The following IFT80 variants were observed in gnomAD, a reference collection of about 807,000 sequenced individuals.
IFT80 encodes the protein intraflagellar transport 80.
A neutral mutation model predicts 107.9 loss-of-function variants in IFT80; 79 were observed. The observed-to-expected ratio is 0.73, with a 90% confidence interval of 0.61 to 0.88. The LOEUF (loss-of-function observed/expected upper bound fraction) is 0.88. Among genes scored for constraint, IFT80 ranks in the 40% least tolerant of loss-of-function variants. IFT80 has a pLI of 0.00. For synonymous variants in IFT80, 299 were observed against 300.9 expected (o/e 0.99, Z 0.07); for missense variants, 797 against 914.2 (o/e 0.87, Z 1.65).
intron 5 of IFT80, among the ~76,000 whole-genome samples, chr3:160,368,359 CA>C (rs56031662): frequency 0.53 from 48,205 of 90,736 alleles, 8,375 homozygotes; most frequent in Middle Eastern, 0.6. Flanking sequence ...AGACCCAGTC[CA>C]AAAAAAAAAA....
Position 160,377,356 on chromosome 3 carries a change from T to C in IFT80, c.370+74A>G, listed in dbSNP as rs76416034. 9.6e-3 allele frequency: 8,432 copies of C among 876,154 alleles called. 485 individuals carry two copies. In the African/African-American group the frequency reaches 0.12, roughly 13 times the overall value. The allele number at this position is 876,154 out of a possible 1,614,324, so 54.3% of individuals were successfully genotyped here. On this transcript the variant is annotated intron_variant, in intron 4 of 19. Transcript: ENST00000326448. ...CACAATGAAAGACACTATTGCTAAA[T>C]GAAAATATTCTGTTTCTTTGGAAAT...
intron 8 of IFT80, among the ~76,000 whole-genome samples, chr3:160,324,323 C>T (rs1222276342): frequency 6.6e-6 from 1 of 151,970 alleles, no homozygotes; most frequent in Non-Finnish European, 1.5e-5. Context: ...GGAGACACAA[C>T]CAAAAAAGAG....
intron 8 of IFT80, among the ~76,000 whole-genome samples, chr3:160,325,218 T>C (rs1414520862): frequency 3.3e-5 from 5 of 152,100 alleles, no homozygotes; most frequent in South Asian, 2.1e-4. Context: ...AGGTAATTTA[T>C]AGATTCAATG....
chr3:160,330,877 C>T (rs1453906027), intron 8 of IFT80, among the ~76,000 whole-genome samples: 1 of 152,184 alleles, frequency 6.6e-6, no homozygotes, highest in Non-Finnish European at 1.5e-5. Flanking sequence ...ATAAATATTT[C>T]AGTATACAGT....
intron 1 of IFT80, among the ~76,000 whole-genome samples, chr3:160,389,047 G>T (rs937223773): frequency 1.3e-5 from 2 of 152,202 alleles, no homozygotes; most frequent in Admixed American, 6.5e-5. Context: ...AATAGAGTTG[G>T]GTATTTAAAG....
intron 9 of IFT80, among the ~76,000 whole-genome samples, chr3:160,309,502 G>A (rs1461265662): frequency 1.3e-5 from 2 of 152,058 alleles, no homozygotes; most frequent in African/African-American, 4.8e-5. Context: ...CCTGGCTAAT[G>A]CGGTGAAACC....
At chr3:160,348,902 G>T (rs553783304) in intron 8 of IFT80, among the ~76,000 whole-genome samples, 1 of 152,254 alleles carries the variant, frequency 6.6e-6, no homozygotes, top group South Asian at 2.1e-4. Context: ...GTAGATTAGT[G>T]GTTGCCAGGG....
rs779346838 is a variant in IFT80 at position 160,377,444 on chromosome 3, G to A, written c.356C>T (p.Thr119Ile). ...AGACAACTTACCTGTAACTAATGCTGTTCCTTCATAATTCCATCTTCCTGC... is the reference window on the plus strand; with the variant it reads ...AGACAACTTACCTGTAACTAATGCTATTCCTTCATAATTCCATCTTCCTGC... The part of the protein sequence containing the change: ...VLAGRWNYEG[T>I]ALVTVGEDGQ... Residue 119 changes from threonine (T) to isoleucine (I), a missense_variant, in exon 4 of 20, where the codon ACA becomes ATA. Thr to Ile is a moderately conservative substitution (Grantham distance 89, BLOSUM62 -1). Transcript: ENST00000326448. 1 of 1,588,212 alleles carries A rather than the reference G, an allele frequency of 6.3e-7. No individual in the cohort carries two copies. Among genetic ancestry groups the A allele is most frequent in the Non-Finnish European group, 8.6e-7 (1 of 1,156,958 alleles).
intron 6 of IFT80, among the ~76,000 whole-genome samples, chr3:160,365,036 C>T (rs1214214338): frequency 6.6e-6 from 1 of 150,872 alleles, no homozygotes; most frequent in Non-Finnish European, 1.5e-5. Context: ...ATTCACATAA[C>T]TATAAACTAA....
At chr3:160,384,155 GAA>G (rs764447615) in intron 2 of IFT80, 159 of 183,368 alleles carry the variant, frequency 8.7e-4, no homozygotes, top group Non-Finnish European at 1.3e-3. Context: ...TGAGGCAGGA[GAA>G]TCACTTGAAC....
intron 1 of IFT80, among the ~76,000 whole-genome samples, chr3:160,394,472 T>A (rs573980555): frequency 6.6e-6 from 1 of 152,336 alleles, no homozygotes; most frequent in South Asian, 2.1e-4. Context: ...TCCCACCCCA[T>A]CTCAATTCCT....
rs139644245 is a variant in IFT80 at position 160,393,889 on chromosome 3, C to T, written c.-47+5257G>A. 3.0e-3 allele frequency among the ~76,000 whole-genome samples: 456 copies of T among 152,126 alleles called. 1 individual carries two copies. Among genetic ancestry groups the T allele is most frequent in the South Asian group, 0.011 (52 of 4,808 alleles). ...AGCTAGATCACAAGCATATTTATAC[C>T]GAGTTTTCTTTGGGTCACTTGCATA... On this transcript the variant is annotated intron_variant, in intron 1 of 19. Transcript: ENST00000326448.
At chr3:160,383,971 G>A (rs1712721678) in intron 2 of IFT80, 9 of 984,902 alleles carry the variant, frequency 9.1e-6, no homozygotes, top group South Asian at 4.7e-5. Flanking sequence ...TTGGCCAGGC[G>A]CGGTGGCTCA....
intron 16 of IFT80, among the ~76,000 whole-genome samples, chr3:160,278,564 G>T (rs1306692087): frequency 6.6e-6 from 1 of 151,748 alleles, no homozygotes; most frequent in East Asian, 1.9e-4. Context: ...TGCCTATTAC[G>T]CTTTCCACTC....
intron 8 of IFT80, among the ~76,000 whole-genome samples, chr3:160,328,461 CAAAAAAAAAAAA>C (rs1236379581): frequency 1.3e-3 from 60 of 47,904 alleles, no homozygotes; most frequent in African/African-American, 4.6e-3. Context: ...GACTCCATCT[CAAAAAAAAAAAA>C]AAAAAAAAAA....
At chr3:160,375,282 T>C (rs1711918885) in intron 5 of IFT80, among the ~76,000 whole-genome samples, 2 of 152,158 alleles carry the variant, frequency 1.3e-5, no homozygotes, top group Non-Finnish European at 2.9e-5. Context: ...TTATGGCCAC[T>C]CCTTTCTATT....
At chr3:160,329,473 A>G (rs1434283151) in intron 8 of IFT80, among the ~76,000 whole-genome samples, 1 of 152,130 alleles carries the variant, frequency 6.6e-6, no homozygotes, top group African/African-American at 2.4e-5. Flanking sequence ...GACACAGAGA[A>G]CACAGTAGAA....
intron 11 of IFT80, among the ~76,000 whole-genome samples, chr3:160,303,204 T>C (rs984585121): frequency 9.2e-5 from 14 of 152,148 alleles, no homozygotes; most frequent in African/African-American, 3.1e-4. Context: ...TCAATTATAT[T>C]TTCATAATTT....
intron 8 of IFT80, among the ~76,000 whole-genome samples, chr3:160,334,939 T>C (rs984517571): frequency 6.6e-6 from 1 of 152,140 alleles, no homozygotes; most frequent in Non-Finnish European, 1.5e-5. Context: ...GTGGAAAATA[T>C]TATTTAAAGA....
Sources: gnomAD v4.1 joint callset for allele counts (sites outside exome capture counted in the v4.1 genomes callset) on GRCh38, gnomAD v4.1.1 for gene constraint, MANE v1.5 for transcripts, NCBI Gene and HGNC (gene_info 2026-07-23, HGNC 2026-07-21) for gene names.